MAGI2: variants seen among roughly 807,000 people sequenced by gnomAD.
The protein encoded by MAGI2 is membrane-associated guanylate kinase, WW and PDZ domain-containing protein 2.
A neutral mutation model predicts 133.3 loss-of-function variants in MAGI2; 35 were observed. The observed-to-expected ratio is 0.26, with a 90% CI of 0.20 to 0.35. The LOEUF (loss-of-function observed/expected upper bound fraction) is 0.35, where lower values mean the gene tolerates loss of function less well. Among genes scored for constraint, MAGI2 ranks in the 10% least tolerant of loss-of-function variants. The pLI, the probability that MAGI2 is intolerant of heterozygous loss-of-function variation, is 1.00. For synonymous variants in MAGI2, 729 were observed against 710.6 expected (o/e 1.03, Z -0.41); for missense variants, 1,636 against 1,863.4 (o/e 0.88, Z 2.25).
intron 1 of MAGI2, among the ~76,000 whole-genome samples, chr7:79,078,244 G>A (rs1584875221): frequency 6.6e-6 from 1 of 152,150 alleles, no homozygotes; most frequent in Non-Finnish European, 1.5e-5. Context: ...GGCTATTTAA[G>A]TGTTCTCCAC....
At chr7:79,103,187 T>C (rs1487560051) in intron 1 of MAGI2, among the ~76,000 whole-genome samples, 1 of 152,236 alleles carries the variant, frequency 6.6e-6, no homozygotes, top group Non-Finnish European at 1.5e-5. Flanking sequence ...ACTTAGAAAA[T>C]ATCCATAATC....
chr7:79,126,444 C>T (rs760639484), intron 1 of MAGI2, among the ~76,000 whole-genome samples: 19 of 152,052 alleles, frequency 1.2e-4, no homozygotes, highest in Non-Finnish European at 2.4e-4. Context: ...AGTTCTCTTA[C>T]TCATTTACGC....
intron 1 of MAGI2, among the ~76,000 whole-genome samples, chr7:79,290,558 T>A (rs2129558715): frequency 6.6e-6 from 1 of 152,168 alleles, no homozygotes; most frequent in South Asian, 2.1e-4. Context: ...ACCTCAAATT[T>A]GCTTTCCCTC....
At chr7:79,112,511 A>G (rs1400430146) in intron 1 of MAGI2, among the ~76,000 whole-genome samples, 2 of 152,252 alleles carry the variant, frequency 1.3e-5, no homozygotes, top group African/African-American at 4.8e-5. Flanking sequence ...GAGATCCACT[A>G]TGGAACATTC....
chr7:79,335,546 A>G (rs2129094626), intron 1 of MAGI2, among the ~76,000 whole-genome samples: 1 of 152,226 alleles, frequency 6.6e-6, no homozygotes, highest in South Asian at 2.1e-4. Context: ...TTAATATCAG[A>G]AAAATGGTAA....
chr7:79,324,599 TATATATAAAAA>T lies in MAGI2; in HGVS notation c.301+128410_301+128420del, dbSNP rs1839482283. ...TATACACCATATATATATAACAATA[TATATATAAAAA>T]ATATATATAATATATATATTATATA... On this transcript the variant is annotated intron_variant, in intron 1 of 21. Transcript: ENST00000354212. 1.5e-4 allele frequency among the ~76,000 whole-genome samples: 7 copies of T among 46,008 alleles called. 3 individuals are homozygous for T. The highest frequency in any genetic ancestry group is 4.3e-4 in the African/African-American group (6 of 13,938). The allele number at this position is 46,008 out of a possible 152,430, so 30.2% of individuals were successfully genotyped here.
At chr7:78,105,804 A>T (rs140349129) in intron 20 of MAGI2, among the ~76,000 whole-genome samples, 5 of 152,220 alleles carry the variant, frequency 3.3e-5, no homozygotes, top group African/African-American at 9.6e-5. Flanking sequence ...TGTAATAATC[A>T]CATCAGAGTA....
intron 1 of MAGI2, among the ~76,000 whole-genome samples, chr7:79,095,699 T>A (rs1817455396): frequency 6.6e-6 from 1 of 152,156 alleles, no homozygotes; most frequent in South Asian, 2.1e-4. Context: ...TTACCATCTT[T>A]ATATGACTGT....
chr7:78,586,860 T>A (rs1201571756), intron 3 of MAGI2, among the ~76,000 whole-genome samples: 1 of 152,236 alleles, frequency 6.6e-6, no homozygotes, highest in Non-Finnish European at 1.5e-5. Context: ...TTTCACTAAG[T>A]ATAATGTCTT....
chr7:78,071,597 T>C (rs113132662), intron 21 of MAGI2, among the ~76,000 whole-genome samples: 224 of 152,330 alleles, frequency 1.5e-3, no homozygotes, highest in African/African-American at 4.8e-3. Context: ...ACTTATTTAC[T>C]GCAGTTTTTA....
chr7:78,868,685 T>C (rs1292362169), intron 2 of MAGI2, among the ~76,000 whole-genome samples: 1 of 152,194 alleles, frequency 6.6e-6, no homozygotes, highest in Non-Finnish European at 1.5e-5. Flanking sequence ...AAATATATTG[T>C]CTAACTAGAA....
intron 1 of MAGI2, among the ~76,000 whole-genome samples, chr7:79,376,840 G>GT (rs370199404): frequency 0.3 from 43,211 of 145,106 alleles, 6,350 homozygotes; most frequent in African/African-American, 0.38. Flanking sequence ...GTGTGTGTGT[G>GT]GGTGTATGGC....
chr7:79,086,566 T>G (rs1228796105), intron 1 of MAGI2, among the ~76,000 whole-genome samples: 1 of 151,896 alleles, frequency 6.6e-6, no homozygotes, highest in Non-Finnish European at 1.5e-5. Context: ...TTTGACATTT[T>G]TATTTATTTA....
intron 6 of MAGI2, among the ~76,000 whole-genome samples, chr7:78,452,007 G>T (rs1007983766): frequency 2.0e-5 from 3 of 151,946 alleles, no homozygotes; most frequent in African/African-American, 7.3e-5. Context: ...CCAAGATCTG[G>T]TTGAATCCTG....
intron 10 of MAGI2, among the ~76,000 whole-genome samples, chr7:78,247,231 T>G (rs112199028): frequency 6.6e-6 from 1 of 152,020 alleles, no homozygotes; most frequent in African/African-American, 2.4e-5. Context: ...CAGCAATCTA[T>G]GCTGCCACTG....
chr7:78,324,065 T>C (rs1788290324), intron 9 of MAGI2, among the ~76,000 whole-genome samples: 1 of 152,060 alleles, frequency 6.6e-6, no homozygotes, highest in Non-Finnish European at 1.5e-5. Flanking sequence ...GACTTTTATC[T>C]CTTATCTAAA....
chr7:79,434,264 T>A (rs894265075), intron 1 of MAGI2, among the ~76,000 whole-genome samples: 1 of 152,180 alleles, frequency 6.6e-6, no homozygotes. Flanking sequence ...AGATGAGATG[T>A]CGATGAGTAA....
intron 5 of MAGI2, among the ~76,000 whole-genome samples, chr7:78,497,442 A>T (rs1176964593): frequency 2.0e-5 from 3 of 152,212 alleles, no homozygotes; most frequent in Non-Finnish European, 4.4e-5. Context: ...CTGCTAGTTT[A>T]CCAGGGTTGC....
intron 2 of MAGI2, among the ~76,000 whole-genome samples, chr7:78,691,735 G>A (rs1023791579): frequency 6.6e-6 from 1 of 152,158 alleles, no homozygotes; most frequent in African/African-American, 2.4e-5. Flanking sequence ...ATCAGCGGTT[G>A]CCAGGTGTTA....
Sources: gnomAD v4.1 joint callset for allele counts (sites outside exome capture counted in the v4.1 genomes callset) on GRCh38, gnomAD v4.1.1 for gene constraint, MANE v1.5 for transcripts, NCBI Gene and HGNC (gene_info 2026-07-23, HGNC 2026-07-21) for gene names.